SPACA1: variants seen among roughly 807,000 people sequenced by gnomAD.
The protein encoded by SPACA1 is sperm acrosome membrane-associated protein 1.
SPACA1 carries 17 observed loss-of-function variants against 32.6 expected under a neutral mutation model. That is an observed-to-expected ratio of 0.52 (90% CI 0.36 to 0.78). SPACA1 has a LOEUF of 0.78. SPACA1 is among the 30% of genes least tolerant of loss of function. The pLI, the probability that SPACA1 is intolerant of heterozygous loss-of-function variation, is 0.01. For synonymous variants in SPACA1, 140 were observed against 138.1 expected (o/e 1.01, Z -0.10); for missense variants, 363 against 373.4 (o/e 0.97, Z 0.23).
Position 88,048,063 on chromosome 6 carries a change from A to C in SPACA1, c.158A>C (p.Asn53Thr). 1 of 1,604,046 alleles carries C rather than the reference A, an allele frequency of 6.2e-7. No homozygotes were observed. Among genetic ancestry groups the C allele is most frequent in the South Asian group, 1.1e-5 (1 of 88,422 alleles). ...GGCGAGGGCGAGGAGGAGACCGAAA[A>C]CAACGACAGCGAGACCGCGGAGAAC... is the stretch of plus-strand genomic sequence containing the variant. ...HEGEGEEETE[N>T]NDSETAENYA... Residue 53 changes from asparagine (N) to threonine (T), a missense_variant, in exon 1 of 7, where the codon AAC (asparagine) becomes ACC (threonine). Transcript: ENST00000237201.
chr6:88,063,000 A>T (rs1775919195), intron 5 of SPACA1, among the ~76,000 whole-genome samples: 1 of 152,206 alleles, frequency 6.6e-6, no homozygotes, highest in South Asian at 2.1e-4. Context: ...ATCACCATAA[A>T]AGGAAACATT....
At position 88,064,125 on chromosome 6, in the gene SPACA1, C is replaced by T. The variant is rs1775941415; in HGVS notation, c.637C>T (p.Pro213Ser). Residue 213 changes from proline (P) to serine (S), a missense_variant, in exon 6 of 7, where the codon CCA (proline) becomes TCA (serine). Pro to Ser is a moderately conservative substitution (Grantham distance 74, BLOSUM62 -1). Transcript: ENST00000237201. ...ATTGCAGATGAGAAGATCAAGCCTA[C>T]CAGCCACTGATGCAGCCCTAATTTT... is the stretch of plus-strand genomic sequence containing the variant. Reference protein sequence around the residue: ...SELQMRRSSLPATDAALIFVL... With the variant: ...SELQMRRSSLSATDAALIFVL... 3 of 1,613,220 alleles carry T rather than the reference C, an allele frequency of 1.9e-6. No individual in the cohort carries two copies. Among genetic ancestry groups the T allele is most frequent in the Non-Finnish European group, 2.5e-6 (3 of 1,179,582 alleles).
rs945683166 is a variant in SPACA1, at chr6:88,066,435, T to C, written c.*100T>C. On this transcript the variant is annotated 3_prime_UTR_variant, in exon 7 of 7. Coordinates refer to ENST00000237201, the MANE Select transcript of SPACA1 (RefSeq NM_030960.3). ...TTGAAATACTTTAATAATGTTGCGA[T>C]GGATTGCCACAGTGTGAAGGAAATG... 3 of 1,177,408 alleles carry C rather than the reference T, an allele frequency of 2.5e-6. No individual in the cohort carries two copies. Among genetic ancestry groups the C allele is most frequent in the South Asian group, 2.1e-5 (1 of 47,916 alleles). 72.9% of individuals were successfully genotyped at this position (1,177,408 alleles called of 1,614,324 possible).
At chr6:88,047,675 G>C, upstream of SPACA1, 1 of 510,804 alleles carries the variant, frequency 2.0e-6, no homozygotes, top group Admixed American at 3.3e-5. Context: ...GGGACTTGTC[G>C]CACGCGGCTT....
intron 5 of SPACA1, 63 bp downstream of exon 5, chr6:88,059,651 T>C: frequency 6.7e-7 from 1 of 1,484,192 alleles, no homozygotes; most frequent in African/African-American, 1.4e-5. Flanking sequence ...TTAAAATCAC[T>C]TAGAGGCTTG....
chr6:88,053,033 A>ATT (rs1219025625), intron 1 of SPACA1, among the ~76,000 whole-genome samples: 1 of 152,238 alleles, frequency 6.6e-6, no homozygotes, highest in Non-Finnish European at 1.5e-5. Flanking sequence ...GCTTTCACAC[A>ATT]CATTATCCTT....
At position 88,063,742 on chromosome 6, in the gene SPACA1, C is replaced by T. The variant is rs535480205; in HGVS notation, c.611-357C>T. ...AAAACTAATATTAAACTCCAGTTAACGATATGCTTGCTGAAAAATTTTTGA... is the reference window on the plus strand; with the variant it reads ...AAAACTAATATTAAACTCCAGTTAATGATATGCTTGCTGAAAAATTTTTGA... On this transcript the variant is annotated intron_variant, in intron 5 of 6. Transcript: ENST00000237201. Among the ~76,000 whole-genome samples, 10 of 152,082 alleles carry T rather than the reference C, an allele frequency of 6.6e-5. No individual in the cohort carries two copies. In the South Asian group the frequency reaches 1.7e-3, roughly 25 times the overall value.
At chr6:88,055,410 A>T (rs1003386053) in intron 2 of SPACA1, among the ~76,000 whole-genome samples, 1 of 152,254 alleles carries the variant, frequency 6.6e-6, no homozygotes, top group African/African-American at 2.4e-5. Context: ...CATGTAATGT[A>T]TCAGATGGTA....
At chr6:88,058,686 A>G (rs544897089) in intron 3 of SPACA1, 30 bp from the exon 4 acceptor site, 25 of 1,476,018 alleles carry the variant, frequency 1.7e-5, no homozygotes, top group Admixed American at 1.2e-4. Context: ...ATAATGCCCA[A>G]TGGTATTTAT....
In SPACA1 at chr6:88,054,006, A is replaced by G; in HGVS notation, c.265+4A>G. On this transcript the variant is annotated splice_donor_region_variant and intron_variant, in intron 2 of 6. Transcript: ENST00000237201. ...GGAATGTGCACCGTTACATGTGGTA[A>G]GTAGCTTGGAGCAGATGAATAAACC... The G allele has an allele frequency of 6.2e-7, 1 of 1,613,260 alleles. No homozygotes were observed. Among genetic ancestry groups the G allele is most frequent in the Non-Finnish European group, 8.5e-7 (1 of 1,179,458 alleles).
In SPACA1 at chr6:88,066,178, C is replaced by T. The variant is rs767567942; in HGVS notation, c.732-4C>T. 1.3e-6 allele frequency: 2 copies of T among 1,549,330 alleles called. No individual in the cohort carries two copies. Among genetic ancestry groups the T allele is most frequent in the Non-Finnish European group, 1.7e-6 (2 of 1,149,080 alleles). On this transcript the variant is annotated splice_polypyrimidine_tract_variant and splice_region_variant and intron_variant, in intron 6 of 6. Coordinates refer to ENST00000237201, the MANE Select transcript of SPACA1 (RefSeq NM_030960.3). ...GTGGTTTTGGTTTTTGTTTTTTCTT[C>T]CAGGGCAGCAGTCAAGGCTTTCTGG...
At chr6:88,048,249 T>G (rs1210372103) in intron 1 of SPACA1, 136 bp downstream of exon 1, 4 of 943,986 alleles carry the variant, frequency 4.2e-6, no homozygotes, top group Non-Finnish European at 6.3e-6. Flanking sequence ...CCCGAGTTTG[T>G]CCCTTTCTTG....
chr6:88,056,694 G>A (rs1310272464), intron 2 of SPACA1, among the ~76,000 whole-genome samples: 1 of 152,168 alleles, frequency 6.6e-6, no homozygotes, highest in East Asian at 1.9e-4. Context: ...TCGTAGAGGG[G>A]CTGGAAGAGG....
chr6:88,060,470 T>C (rs988626090), intron 5 of SPACA1, among the ~76,000 whole-genome samples: 3 of 152,246 alleles, frequency 2.0e-5, no homozygotes, highest in Non-Finnish European at 4.4e-5. Flanking sequence ...GAGCTTCTGC[T>C]GTAGTTTAAA....
At chr6:88,055,042 T>G (rs921306232) in intron 2 of SPACA1, among the ~76,000 whole-genome samples, 12 of 144,112 alleles carry the variant, frequency 8.3e-5, no homozygotes, top group Non-Finnish European at 1.7e-4. Flanking sequence ...TTTTAACCTG[T>G]TTTTTTTTTT....
At chr6:88,065,966 T>A (rs1775976334) in intron 6 of SPACA1, among the ~76,000 whole-genome samples, 1 of 151,996 alleles carries the variant, frequency 6.6e-6, no homozygotes, top group Non-Finnish European at 1.5e-5. Context: ...TGTAATGTAA[T>A]GTACCTGTAA....
At chr6:88,055,243 A>G (rs1775788981) in intron 2 of SPACA1, among the ~76,000 whole-genome samples, 1 of 152,186 alleles carries the variant, frequency 6.6e-6, no homozygotes, top group Non-Finnish European at 1.5e-5. Flanking sequence ...AAGTTTAGAA[A>G]TTGTACTCAC....
chr6:88,062,169 C>T (rs923687993), intron 5 of SPACA1, among the ~76,000 whole-genome samples: 1 of 152,128 alleles, frequency 6.6e-6, no homozygotes, highest in Non-Finnish European at 1.5e-5. Context: ...AACTATTTAG[C>T]GAGATCCCTA....
intron 5 of SPACA1, among the ~76,000 whole-genome samples, chr6:88,060,410 G>T (rs762323564): frequency 6.6e-5 from 10 of 152,172 alleles, no homozygotes; most frequent in Admixed American, 1.3e-4. Flanking sequence ...AAAGTTGCAT[G>T]TAACTTTAAA....
Sources: gnomAD v4.1 joint callset for allele counts (sites outside exome capture counted in the v4.1 genomes callset) on GRCh38, gnomAD v4.1.1 for gene constraint, MANE v1.5 for transcripts, NCBI Gene and HGNC (gene_info 2026-07-23, HGNC 2026-07-21) for gene names.